TM9SF3: variants seen among roughly 807,000 people sequenced by gnomAD.
TM9SF3 encodes the protein transmembrane 9 superfamily member 3.
A neutral mutation model predicts 78.6 loss-of-function variants in TM9SF3; 14 were observed. The observed-to-expected ratio is 0.18, with a 90% CI of 0.12 to 0.28. The LOEUF (loss-of-function observed/expected upper bound fraction) is 0.28. Among genes scored for constraint, TM9SF3 ranks in the 10% least tolerant of loss-of-function variants. The pLI is 1.00. For missense variants in TM9SF3, 496 were observed against 721.9 expected (o/e 0.69, Z 3.59); for synonymous variants, 231 against 241.7 (o/e 0.96, Z 0.41).
rs192508435 is a variant in TM9SF3 at position 96,545,174 on chromosome 10, C to G, written c.1055-968G>C. On this transcript the variant is annotated intron_variant, in intron 8 of 14. Transcript: ENST00000371142. ...GCAACAGAGAGCTGTCTTTCTAATA[C>G]AGCAGAGGGTAAAGCTGGCAGAAAA... 1.7e-3 allele frequency among the ~76,000 whole-genome samples: 266 copies of G among 152,252 alleles called. 1 individual carries two copies. Among genetic ancestry groups the G allele is most frequent in the African/African-American group, 6.3e-3 (262 of 41,548 alleles).
chr10:96,524,200 A>G (rs1264573855), intron 14 of TM9SF3, among the ~76,000 whole-genome samples: 2 of 151,902 alleles, frequency 1.3e-5, no homozygotes, highest in African/African-American at 2.4e-5. Flanking sequence ...AATACAAAAA[A>G]CCAAAGTGAC....
chr10:96,552,843 A>C, intron 6 of TM9SF3, 85 bp downstream of exon 6: 1 of 1,279,270 alleles, frequency 7.8e-7, no homozygotes, highest in Non-Finnish European at 1.0e-6. Context: ...GACTTCCGGT[A>C]AGAAATTATG....
intron 5 of TM9SF3, 49 bp downstream of exon 5, chr10:96,559,610 A>T (rs3818389): frequency 0.66 from 866,077 of 1,317,844 alleles, 289,504 homozygotes; most frequent in East Asian, 0.84. Context: ...ATGTTTGTTG[A>T]ACGAATTGGT....
Position 96,572,418 on chromosome 10 carries a change from T to C in TM9SF3, c.298+4216A>G, listed in dbSNP as rs552051043. On this transcript the variant is annotated intron_variant, in intron 2 of 14. Coordinates refer to ENST00000371142, the MANE Select transcript of TM9SF3 (RefSeq NM_020123.4). Reference sequence around the variant, plus strand: ...AAAGCACATCTTCTATTCCACACTATGATGGCAAGGTTCGAAGAGGTACCC... The same window carrying C: ...AAAGCACATCTTCTATTCCACACTACGATGGCAAGGTTCGAAGAGGTACCC... Among the ~76,000 whole-genome samples, 5 of 152,020 alleles carry C rather than the reference T, an allele frequency of 3.3e-5. No individual in the cohort carries two copies. The East Asian group carries it at 7.7e-4, about 23-fold the overall frequency.
At chr10:96,552,525 C>T (rs1252268530) in intron 6 of TM9SF3, among the ~76,000 whole-genome samples, 4 of 152,112 alleles carry the variant, frequency 2.6e-5, no homozygotes, top group African/African-American at 7.2e-5. Flanking sequence ...TGTTCTCTAA[C>T]TTAGTAAAAG....
chr10:96,541,075 T>C (rs764018096), intron 9 of TM9SF3, among the ~76,000 whole-genome samples: 23 of 152,146 alleles, frequency 1.5e-4, no homozygotes, highest in Admixed American at 5.9e-4. Context: ...GTTTTACAAA[T>C]CTTTCAAGAA....
chr10:96,584,490 T>G (rs776195736), intron 1 of TM9SF3, among the ~76,000 whole-genome samples: 9 of 152,196 alleles, frequency 5.9e-5, no homozygotes, highest in Non-Finnish European at 1.3e-4. Context: ...CCCATAACTG[T>G]TTTTGTTTTT....
intron 9 of TM9SF3, among the ~76,000 whole-genome samples, chr10:96,541,242 C>G (rs931986278): frequency 6.6e-6 from 1 of 152,184 alleles, no homozygotes; most frequent in Non-Finnish European, 1.5e-5. Flanking sequence ...AAACCCTTTT[C>G]CAGAACATCT....
intron 9 of TM9SF3, among the ~76,000 whole-genome samples, chr10:96,539,558 A>C (rs899472783): frequency 6.6e-6 from 1 of 152,214 alleles, no homozygotes; most frequent in African/African-American, 2.4e-5. Flanking sequence ...TGAATTATAA[A>C]GGTATACAAC....
Position 96,552,935 on chromosome 10 carries a change from T to C in TM9SF3, c.785A>G (p.Asp262Gly). 6.5e-7 allele frequency: 1 copy of C among 1,549,214 alleles called. No individual in the cohort carries two copies. The highest frequency in any genetic ancestry group is 8.7e-7 in the Non-Finnish European group (1 of 1,155,348). ...ATGTAAATGTTTACTCACCATATCA[T>C]CCATTTCTTCCTCTTTACTGTACCG... is the stretch of plus-strand genomic sequence containing the variant. Reference protein sequence around the residue: ...YARYSKEEEMDDMDRDLGDEY... With the variant: ...YARYSKEEEMGDMDRDLGDEY... The change falls in exon 6 of 15, where the codon GAT (aspartate) becomes GGT (glycine). Residue 262 changes from aspartate to glycine, a missense_variant. Physicochemically the swap from Asp to Gly is moderately conservative, Grantham distance 94. Coordinates refer to ENST00000371142, the MANE Select transcript of TM9SF3 (RefSeq NM_020123.4).
chr10:96,528,764 T>C (rs1226731967), intron 11 of TM9SF3, among the ~76,000 whole-genome samples: 1 of 152,134 alleles, frequency 6.6e-6, no homozygotes, highest in Non-Finnish European at 1.5e-5. Context: ...TTTTTCTTAG[T>C]CACTATGGCT....
intron 3 of TM9SF3, 28 bp downstream of exon 3, chr10:96,565,276 A>C (rs2134153003): frequency 6.8e-7 from 1 of 1,472,728 alleles, no homozygotes; most frequent in East Asian, 2.7e-5. Flanking sequence ...AATTTTCCCA[A>C]ATCTTAAATA....
intron 6 of TM9SF3, among the ~76,000 whole-genome samples, chr10:96,551,832 G>A (rs1193600327): frequency 6.6e-6 from 1 of 152,120 alleles, no homozygotes; most frequent in East Asian, 1.9e-4. Context: ...GATCCCCTAA[G>A]AATGCAGAAA....
intron 14 of TM9SF3, among the ~76,000 whole-genome samples, chr10:96,526,182 C>T (rs1400770358): frequency 6.6e-6 from 1 of 152,062 alleles, no homozygotes; most frequent in African/African-American, 2.4e-5. Context: ...AGTAACATGG[C>T]TATTAAGTGG....
At chr10:96,540,952 ATT>A (rs1407236724) in intron 9 of TM9SF3, among the ~76,000 whole-genome samples, 1 of 151,298 alleles carries the variant, frequency 6.6e-6, no homozygotes, top group East Asian at 1.9e-4. Flanking sequence ...TAATTTTTGT[ATT>A]TTTAGTAGAG....
At chr10:96,563,465 C>T (rs757456875) in intron 3 of TM9SF3, among the ~76,000 whole-genome samples, 3 of 152,034 alleles carry the variant, frequency 2.0e-5, no homozygotes, top group African/African-American at 4.8e-5. Flanking sequence ...AACCTCCACC[C>T]GCTGGGTTCA....
chr10:96,545,886 T>C (rs1484028346), intron 8 of TM9SF3, among the ~76,000 whole-genome samples: 2 of 110,020 alleles, frequency 1.8e-5, no homozygotes, highest in African/African-American at 3.2e-5. Flanking sequence ...CGAAACTCCA[T>C]CTCAAAATCA....
chr10:96,571,587 A>G (rs1848437272), intron 2 of TM9SF3, among the ~76,000 whole-genome samples: 1 of 152,240 alleles, frequency 6.6e-6, no homozygotes, highest in Non-Finnish European at 1.5e-5. Flanking sequence ...CATGGTGAAG[A>G]TAAGAACAGC....
At chr10:96,560,484 T>C (rs2134149710) in intron 4 of TM9SF3, 3 of 752,138 alleles carry the variant, frequency 4.0e-6, no homozygotes, top group Non-Finnish European at 7.1e-6. Flanking sequence ...AGTGCTTTTA[T>C]GGTTGAAGTG....
Sources: gnomAD v4.1 joint callset for allele counts (sites outside exome capture counted in the v4.1 genomes callset) on GRCh38, gnomAD v4.1.1 for gene constraint, MANE v1.5 for transcripts, NCBI Gene and HGNC (gene_info 2026-07-23, HGNC 2026-07-21) for gene names.